Variants in G3BP2 observed in about 807,000 individuals in gnomAD.
The protein encoded by G3BP2 is ras GTPase-activating protein-binding protein 2.
A neutral mutation model predicts 56.7 loss-of-function variants in G3BP2; 11 were observed. The observed-to-expected ratio is 0.19, with a 90% CI of 0.12 to 0.32. G3BP2 has a LOEUF of 0.32. G3BP2 is among the 10% of genes least tolerant of loss of function. The pLI is 1.00. For missense variants in G3BP2, 340 were observed against 610.9 expected, an observed-to-expected ratio of 0.56 and a Z score of 4.67; for synonymous variants, 165 against 191.6, an observed-to-expected ratio of 0.86 and a Z score of 1.15.
At chr4:75,693,063 G>A (rs978805388) in intron 3 of G3BP2, among the ~76,000 whole-genome samples, 8 of 152,050 alleles carry the variant, frequency 5.3e-5, no homozygotes, top group Non-Finnish European at 1.2e-4. Context: ...GGCAAATATG[G>A]TGAAACCCTG....
chr4:75,689,550 T>C (rs1231514161), intron 3 of G3BP2, among the ~76,000 whole-genome samples: 2 of 152,252 alleles, frequency 1.3e-5, no homozygotes, highest in Non-Finnish European at 2.9e-5. Flanking sequence ...TCAAGTTTAA[T>C]GACTTGTACA....
At chr4:75,662,418 C>T (rs992458259) in intron 1 of G3BP2, 19 of 157,508 alleles carry the variant, frequency 1.2e-4, no homozygotes, top group Non-Finnish European at 2.4e-4. Context: ...GACGGGGTTT[C>T]TCCATGTTGG....
At chr4:75,698,923 T>A (rs1265539155) in intron 3 of G3BP2, among the ~76,000 whole-genome samples, 1 of 152,134 alleles carries the variant, frequency 6.6e-6, no homozygotes, top group African/African-American at 2.4e-5. Context: ...GTCAAACTCC[T>A]GGGCTCAAGA....
In G3BP2 at chr4:75,682,797, C is replaced by T. The variant is rs180940898; in HGVS notation, c.-24-20748G>A. ...GAGATCGAGACCATCCTGGCCAACA[C>T]GGTGAAACCCCGTGTCTACTAAAAA... On this transcript the variant is annotated intron_variant, in intron 3 of 3. Coordinates refer to the G3BP2 transcript ENST00000499709. 5.2e-3 allele frequency among the ~76,000 whole-genome samples: 785 copies of T among 151,822 alleles called. 8 individuals carry two copies. The highest frequency in any genetic ancestry group is 0.018 in the African/African-American group (751 of 41,374).
At chr4:75,695,800 C>T (rs1316771243) in intron 3 of G3BP2, among the ~76,000 whole-genome samples, 1 of 151,960 alleles carries the variant, frequency 6.6e-6, no homozygotes, top group Non-Finnish European at 1.5e-5. Flanking sequence ...CATGGTAAAA[C>T]CCGTCTCTAC....
chr4:75,688,755 T>C (rs1560414396), intron 3 of G3BP2, among the ~76,000 whole-genome samples: 1 of 152,198 alleles, frequency 6.6e-6, no homozygotes, highest in Non-Finnish European at 1.5e-5. Flanking sequence ...AAAAACTACT[T>C]TGCCATGTTT....
chr4:75,724,045 T>C (rs1720295198), intron 1 of G3BP2: 1 of 152,050 alleles, frequency 6.6e-6, no homozygotes, highest in African/African-American at 2.4e-5. Context: ...CACTTGAAAA[T>C]AGAGGTGTAC....
At chr4:75,719,759 C>T (rs968026624) in intron 3 of G3BP2, among the ~76,000 whole-genome samples, 1 of 151,816 alleles carries the variant, frequency 6.6e-6, no homozygotes, top group Non-Finnish European at 1.5e-5. Flanking sequence ...TCGGCTAATT[C>T]TGTATTTTTA....
chr4:75,650,552 TA>T (rs1226734396), intron 8 of G3BP2, among the ~76,000 whole-genome samples: 1 of 152,156 alleles, frequency 6.6e-6, no homozygotes, highest in Non-Finnish European at 1.5e-5. Flanking sequence ...TGCCTCTTCC[TA>T]AATTCTGTTT....
chr4:75,647,576 G>A (rs574755518), intron 9 of G3BP2, among the ~76,000 whole-genome samples: 15 of 152,208 alleles, frequency 9.9e-5, no homozygotes, highest in African/African-American at 3.6e-4. Flanking sequence ...AATTTTAACA[G>A]CAATCATCAC....
exon 3 of G3BP2, among the ~76,000 whole-genome samples, chr4:75,720,956 G>A (rs547365836): frequency 1.2e-3 from 140 of 118,796 alleles, no homozygotes; most frequent in African/African-American, 4.6e-3. Context: ...GGGTAACATA[G>A]CAAGACTTCA....
At chr4:75,649,020 A>C (rs1731459674) in intron 8 of G3BP2, 1 of 226,096 alleles carries the variant, frequency 4.4e-6, no homozygotes, top group South Asian at 1.4e-4. Context: ...ATCAACACTG[A>C]AATAGCATAA....
At chr4:75,689,702 G>A (rs1192659040) in intron 3 of G3BP2, among the ~76,000 whole-genome samples, 1 of 152,150 alleles carries the variant, frequency 6.6e-6, no homozygotes, top group Non-Finnish European at 1.5e-5. Flanking sequence ...TAAATCATCT[G>A]AAGAATTTTA....
At position 75,701,515 on chromosome 4, in the gene G3BP2, G is replaced by A. The variant is rs757819138; in HGVS notation, c.-25+19362C>T. 1.6e-4 allele frequency among the ~76,000 whole-genome samples: 25 copies of A among 151,666 alleles called. 1 individual carries two copies. The highest frequency in any genetic ancestry group is 1.2e-4 in the African/African-American group (5 of 41,314). On this transcript the variant is annotated intron_variant, in intron 3 of 3. Coordinates refer to the G3BP2 transcript ENST00000499709. ...CGGATCTTGGCTCGCAGCAACCTCC[G>A]CCTCCCAGGTTCAAGAGATTCTCCT... is the stretch of plus-strand genomic sequence containing the variant.
rs1479506128 is a variant in G3BP2 at position 75,648,538 on chromosome 4, A to G, written c.928+101T>C. The G allele has an allele frequency of 8.5e-6, 5 of 587,192 alleles. No individual in the cohort carries two copies. In the East Asian group the frequency reaches 1.4e-4, roughly 16 times the overall value. 36.4% of individuals were successfully genotyped at this position (587,192 alleles called of 1,614,324 possible). ...ACATCTTTAAGCAATTTGAGACTAT[A>G]TGGGTCTGTGTATAGAACGCATCAT... is the stretch of plus-strand genomic sequence containing the variant. On this transcript the variant is annotated intron_variant, in intron 9 of 11. Coordinates refer to ENST00000359707, the MANE Select transcript of G3BP2 (RefSeq NM_203505.3).
At chr4:75,701,444 T>C (rs1719340612) in intron 3 of G3BP2, among the ~76,000 whole-genome samples, 1 of 136,694 alleles carries the variant, frequency 7.3e-6, no homozygotes, top group Non-Finnish European at 1.6e-5. Flanking sequence ...TTGTTTGTTT[T>C]CACATGGAGT....
chr4:75,676,757 C>G (rs1159965606), upstream of G3BP2, among the ~76,000 whole-genome samples: 1 of 152,238 alleles, frequency 6.6e-6, no homozygotes, highest in East Asian at 1.9e-4. Context: ...CCACTACAGT[C>G]TGTTCCCCTC....
At chr4:75,654,798 A>C (rs1458334553) in intron 7 of G3BP2, 24 of 359,058 alleles carry the variant, frequency 6.7e-5, no homozygotes, top group Middle Eastern at 1.5e-3. Flanking sequence ...AGCTCTATAC[A>C]TGGATCCAAA....
At chr4:75,658,590 G>T (rs1047848020) in intron 3 of G3BP2, among the ~76,000 whole-genome samples, 2 of 151,936 alleles carry the variant, frequency 1.3e-5, no homozygotes, top group African/African-American at 4.8e-5. Flanking sequence ...AGCCGGGTGT[G>T]GTGGTGCATG....
Sources: allele counts gnomAD v4.1 joint callset (sites outside exome capture counted in the v4.1 genomes callset), GRCh38; gene constraint gnomAD v4.1.1; transcripts MANE v1.5; gene names NCBI Gene and HGNC (gene_info 2026-07-23, HGNC 2026-07-21).